SRM: variants seen among roughly 807,000 people sequenced by gnomAD.
The protein encoded by SRM is spermidine synthase.
Under a neutral mutation model 39.3 loss-of-function variants are expected in SRM, and 14 were observed. The ratio of observed to expected loss-of-function variants is 0.36; its 90% CI spans 0.24 to 0.56. The LOEUF (loss-of-function observed/expected upper bound fraction) is 0.56, where lower values mean the gene tolerates loss of function less well. Ranked by LOEUF, SRM falls within the 20% of genes least tolerant of loss-of-function variation. SRM has a pLI of 0.86. For missense variants in SRM, 244 were observed against 409.2 expected (o/e 0.60, Z 3.48); for synonymous variants, 195 against 173.1 (o/e 1.13, Z -0.99).
chr1:11,057,875 C>T (rs1167124867), intron 3 of SRM, among the ~76,000 whole-genome samples: 1 of 151,986 alleles, frequency 6.6e-6, no homozygotes, highest in Non-Finnish European at 1.5e-5. Context: ...GCCTCCCGGG[C>T]TCAAGTAATT....
At chr1:11,055,744 T>C in intron 6 of SRM, 37 bp downstream of exon 6, 1 of 1,336,818 alleles carries the variant, frequency 7.5e-7, no homozygotes, top group Non-Finnish European at 1.0e-6. Context: ...ATGCCCACCT[T>C]CCCCCCAACC....
At chr1:11,059,728 C>A in intron 1 of SRM, 49 bp downstream of exon 1, 3 of 1,533,138 alleles carry the variant, frequency 2.0e-6, no homozygotes, top group Non-Finnish European at 2.6e-6. Flanking sequence ...GGGCAGCAGG[C>A]GGCCCGGGCT....
intron 1 of SRM, chr1:11,059,565 G>A (rs1441031471): frequency 2.2e-6 from 2 of 917,626 alleles, no homozygotes; most frequent in Admixed American, 5.8e-5. Context: ...GGGCTGACAC[G>A]TGGAGCGGGG....
intron 1 of SRM, 192 bp from the exon 2 acceptor site, chr1:11,059,537 G>A (rs1638939811): frequency 2.0e-6 from 2 of 1,025,376 alleles, no homozygotes; most frequent in African/African-American, 3.2e-5. Context: ...GGTCTCCTCG[G>A]GCTCTGACGT....
rs764416027 is a variant in SRM at position 11,055,808 on chromosome 1, G to A, written c.738C>T (p.Ile246=). Residue 246 remains isoleucine, a synonymous_variant, in exon 6 of 8, where the codon ATC becomes ATT. Transcript: ENST00000376957. ...CTIPTYPSGQ[I]GFMLCSKNPS... ...GGTTCTTGCTGCACAGCATGAAGCC[G>A]ATCTGGCCGCTGGGGTAGGTGGGGA... is the stretch of plus-strand genomic sequence containing the variant. 4.3e-5 allele frequency: 60 copies of A among 1,397,216 alleles called. No individual in the cohort carries two copies. Among genetic ancestry groups the A allele is most frequent in the Middle Eastern group, 4.1e-4 (2 of 4,930 alleles). The allele number at this position is 1,397,216 out of a possible 1,614,324, so 86.6% of individuals were successfully genotyped here.
intron 1 of SRM, chr1:11,059,567 G>A (rs1370624805): frequency 1.1e-6 from 1 of 914,158 alleles, no homozygotes. Context: ...GCTGACACGT[G>A]GAGCGGGGCG....
At position 11,059,913 on chromosome 1, in the gene SRM, A is replaced by C. The variant is rs747837409; in HGVS notation, c.31T>G (p.Ser11Ala). ...CCCTCGCGGATGGCGGCGGGGCCGG[A>C]GGCGGCGGGGCCGTCGGGGCCGGGC... The part of the protein sequence containing the change: MEPGPDGPAA[S>A]GPAAIREGWF... Residue 11 changes from serine (S) to alanine (A), a missense_variant, in exon 1 of 8, where the codon TCC becomes GCC. Coordinates refer to ENST00000376957, the MANE Select transcript of SRM (RefSeq NM_003132.3). 2.2e-6 allele frequency: 3 copies of C among 1,364,498 alleles called. No individual in the cohort carries two copies. The highest frequency in any genetic ancestry group is 1.5e-5 in the African/African-American group (1 of 65,596). 84.5% of individuals were successfully genotyped at this position (1,364,498 alleles called of 1,614,324 possible).
At chr1:11,055,417 G>T (rs1167342608) in intron 6 of SRM, among the ~76,000 whole-genome samples, 19 of 134,374 alleles carry the variant, frequency 1.4e-4, no homozygotes, top group African/African-American at 4.9e-4. Flanking sequence ...CCTGGGGAGG[G>T]TTTTTTTTTT....
Position 11,054,967 on chromosome 1 carries a change from G to C in SRM, c.883C>G (p.Arg295Gly). The C allele has an allele frequency of 1.2e-6, 2 of 1,612,250 alleles. No individual in the cohort carries two copies. The highest frequency in any genetic ancestry group is 1.1e-5 in the South Asian group (1 of 91,022). The part of the protein sequence containing the change: ...RAAFVLPEFA[R>G]KALNDVS Reference sequence around the variant, plus strand: ...CAGCCCCGCAGGCCACCCACCTTGCGGGCAAACTCGGGCAGCACAAAGGCG... The same window carrying C: ...CAGCCCCGCAGGCCACCCACCTTGCCGGCAAACTCGGGCAGCACAAAGGCG... Residue 295 changes from arginine to glycine, a missense_variant, in exon 7 of 8, where the codon CGC becomes GGC. Physicochemically the swap from Arg to Gly is moderately radical, Grantham distance 125. Transcript: ENST00000376957. The surrounding 1 kb of genome is among the most constrained non-coding windows in gnomAD (Gnocchi z 4.8).
intron 6 of SRM, 40 bp downstream of exon 6, chr1:11,055,741 C>T: frequency 6.5e-7 from 1 of 1,536,914 alleles, no homozygotes; most frequent in Non-Finnish European, 8.8e-7. Flanking sequence ...TTTATGCCCA[C>T]CTTCCCCCCA....
In SRM at chr1:11,059,591, C is replaced by T. The variant is rs1291295944; in HGVS notation, c.167+186G>A. 8 of 923,084 alleles carry T rather than the reference C, an allele frequency of 8.7e-6. No individual in the cohort carries two copies. The Admixed American group carries it at 1.2e-4, about 14-fold the overall frequency. The allele number at this position is 923,084 out of a possible 1,614,324, so 57.2% of individuals were successfully genotyped here. ...TGGAGCGGGGCGCAGACTCCGACTC[C>T]CCCACCCAAGAGGCCAGCCCGCAGT... On this transcript the variant is annotated intron_variant, in intron 1 of 7. Transcript: ENST00000376957.
Position 11,054,632 on chromosome 1 carries a change from G to A in SRM, c.*233C>T. On this transcript the variant is annotated 3_prime_UTR_variant, in exon 8 of 8. Transcript: ENST00000376957. The surrounding 1 kb of genome is among the most constrained non-coding windows in gnomAD (Gnocchi z 4.8). ...GTTTGGTGAGTGAGGGGCAACAGAA[G>A]GCAGAGAGATGGCGCTGTACACAGC... 1 of 572,246 alleles carries A rather than the reference G, an allele frequency of 1.7e-6. No individual in the cohort carries two copies. Among genetic ancestry groups the A allele is most frequent in the Admixed American group, 3.5e-5 (1 of 28,764 alleles). 35.4% of individuals were successfully genotyped at this position (572,246 alleles called of 1,614,324 possible).
rs188466986 is a variant in SRM, at chr1:11,056,203, G to C, written c.536-109C>G. On this transcript the variant is annotated intron_variant, in intron 4 of 7. Coordinates refer to ENST00000376957, the MANE Select transcript of SRM (RefSeq NM_003132.3). Reference sequence around the variant, plus strand: ...AGAGCCAGGATCTGAACCCAGGTCTGTGGGGGATCCACACCTGAATCCCAT... The same window carrying C: ...AGAGCCAGGATCTGAACCCAGGTCTCTGGGGGATCCACACCTGAATCCCAT... The C allele has an allele frequency of 4.1e-5, 42 of 1,033,950 alleles. No homozygotes were observed. The African/African-American group carries it at 6.3e-4, about 16-fold the overall frequency. The allele number at this position is 1,033,950 out of a possible 1,614,324, so 64.0% of individuals were successfully genotyped here. A position where few individuals can be genotyped will look rare whatever the true frequency, so the allele number is the denominator to read the frequency against.
chr1:11,055,723 G>T, intron 6 of SRM, 58 bp downstream of exon 6: 1 of 1,520,494 alleles, frequency 6.6e-7, no homozygotes, highest in South Asian at 1.2e-5. Context: ...CAGGGGCAGG[G>T]ATCTCTATTT....
chr1:11,054,938 C>T lies in SRM; in HGVS notation c.888+24G>A, dbSNP rs776453877. On this transcript the variant is annotated intron_variant, in intron 7 of 7. Coordinates refer to ENST00000376957, the MANE Select transcript of SRM (RefSeq NM_003132.3). The surrounding 1 kb of genome is among the most constrained non-coding windows in gnomAD (Gnocchi z 4.8). ...GGCGCTCTGGGTCCCTGGGTCCCAC[C>T]ACCCAGCCCCGCAGGCCACCCACCT... 2 of 1,611,706 alleles carry T rather than the reference C, an allele frequency of 1.2e-6. No individual in the cohort carries two copies. Among genetic ancestry groups the T allele is most frequent in the African/African-American group, 1.3e-5 (1 of 74,828 alleles).
chr1:11,056,803 C>T (rs1638886433), intron 3 of SRM, 46 bp from the exon 4 acceptor site: 2 of 1,608,348 alleles, frequency 1.2e-6, no homozygotes, highest in Non-Finnish European at 1.7e-6. Flanking sequence ...GGCTGGGGGA[C>T]CTGGAGCCAG....
chr1:11,054,882 G>A lies in SRM; in HGVS notation c.892C>T (p.Leu298=), dbSNP rs139763197. The change falls in exon 8 of 8, where the codon CTG becomes TTG. Residue 298 remains leucine (L), a synonymous_variant. Coordinates refer to ENST00000376957, the MANE Select transcript of SRM (RefSeq NM_003132.3). The surrounding 1 kb of genome is among the most constrained non-coding windows in gnomAD (Gnocchi z 4.8). Reference sequence around the variant, plus strand: ...GCCTGGGCTCAGCTCACATCATTCAGGGCCTGGAGGGACATGAGGCCAGTC... The same window carrying A: ...GCCTGGGCTCAGCTCACATCATTCAAGGCCTGGAGGGACATGAGGCCAGTC... The part of the protein sequence containing the change: ...FVLPEFARKA[L]NDVS The A allele has an allele frequency of 1.4e-4, 229 of 1,610,698 alleles. 1 individual carries two copies. In the African/African-American group the frequency reaches 2.9e-3, roughly 20 times the overall value.
chr1:11,055,111 G>T (rs558646520), intron 6 of SRM, 27 bp from the exon 7 acceptor site: 10 of 1,553,482 alleles, frequency 6.4e-6, no homozygotes, highest in Middle Eastern at 2.0e-4. Context: ...GGGCACATCA[G>T]GGGGGGCACT....
intron 2 of SRM, 43 bp downstream of exon 2, chr1:11,059,182 G>A: frequency 1.9e-6 from 3 of 1,612,120 alleles, no homozygotes; most frequent in Non-Finnish European, 2.5e-6. Flanking sequence ...GCACACCTGG[G>A]GCCGCCCCTC....
Sources: allele counts gnomAD v4.1 joint callset (sites outside exome capture counted in the v4.1 genomes callset), GRCh38; gene constraint gnomAD v4.1.1; non-coding constraint Gnocchi (gnomAD v3.1); transcripts MANE v1.5; gene names NCBI Gene and HGNC (gene_info 2026-07-23, HGNC 2026-07-21).